Variants in FBXO41 observed in about 807,000 individuals in gnomAD.
FBXO41 encodes F-box only protein 41.
In FBXO41, 33 loss-of-function variants were observed where a neutral mutation model predicts 81.6. The ratio of observed to expected loss-of-function variants is 0.40; its 90% confidence interval spans 0.31 to 0.54. The LOEUF (loss-of-function observed/expected upper bound fraction) is 0.54, where lower values mean the gene tolerates loss of function less well. FBXO41 is among the 20% of genes least tolerant of loss of function. The probability of loss-of-function intolerance (pLI) is 0.39; values close to 1 mark genes in which losing one functional copy is unlikely to be tolerated. For synonymous variants in FBXO41, 576 were observed against 552.7 expected (o/e 1.04, Z -0.59); for missense variants, 1,107 against 1,236.0 (o/e 0.90, Z 1.56).
intron 1 of FBXO41, among the ~76,000 whole-genome samples, chr2:73,282,694 G>A (rs1688882391): frequency 6.6e-6 from 1 of 152,278 alleles, no homozygotes; most frequent in South Asian, 2.1e-4. Flanking sequence ...CAGAGCAAGA[G>A]CCTGTCTAAA....
In FBXO41 at chr2:73,259,222, C is replaced by T; in HGVS notation, c.2524G>A (p.Glu842Lys). The change falls in exon 12 of 13, where the codon GAG becomes AAG. Residue 842 changes from glutamate (E) to lysine (K), a missense_variant. Coordinates refer to ENST00000520530, the MANE Select transcript of FBXO41 (RefSeq NM_001371389.2). This position sits in a 1 kb window ranked among gnomAD's most constrained non-coding sequence, Gnocchi z 4.2. ...ATGTCCTCAAACAGCTTCTGGGCCT[C>T]AGGGCTGCTGGGCTCTTTGAAATAA... ...ADYFKEPSSPEAQKLFEDMVT... is the reference protein window; with the variant it reads ...ADYFKEPSSPKAQKLFEDMVT... 1 of 1,614,044 alleles carries T rather than the reference C, an allele frequency of 6.2e-7. No homozygotes were observed. Among genetic ancestry groups the T allele is most frequent in the Non-Finnish European group, 8.5e-7 (1 of 1,179,890 alleles).
intron 1 of FBXO41, among the ~76,000 whole-genome samples, chr2:73,283,318 C>T (rs948284891): frequency 2.0e-5 from 3 of 152,196 alleles, no homozygotes; most frequent in African/African-American, 7.2e-5. Flanking sequence ...TCCAGCCTGG[C>T]GAAGACCCTC....
In FBXO41 at chr2:73,260,630, C is replaced by G; in HGVS notation, c.2291-83G>C. 6.5e-7 allele frequency: 1 copy of G among 1,536,518 alleles called. No homozygotes were observed. Among genetic ancestry groups the G allele is most frequent in the Non-Finnish European group, 8.8e-7 (1 of 1,137,234 alleles). ...CAGCACCCTGGCTACCACCCTGCCA[C>G]CTGCCACCACCCAGGCTGCAGCCCC... On this transcript the variant is annotated intron_variant, in intron 10 of 12. Transcript: ENST00000520530. The surrounding 1 kb of genome is among the most constrained non-coding windows in gnomAD (Gnocchi z 5.0).
At chr2:73,265,236 C>G in intron 5 of FBXO41, 46 bp downstream of exon 5, 3 of 1,512,264 alleles carry the variant, frequency 2.0e-6, no homozygotes, top group Non-Finnish European at 2.7e-6. Flanking sequence ...CCAGGAGATT[C>G]ACTGCCTCAG....
In FBXO41 at chr2:73,260,602, A is replaced by T. The variant is rs1403840264; in HGVS notation, c.2291-55T>A. On this transcript the variant is annotated intron_variant, in intron 10 of 12. Coordinates refer to ENST00000520530, the MANE Select transcript of FBXO41 (RefSeq NM_001371389.2). This position sits in a 1 kb window ranked among gnomAD's most constrained non-coding sequence, Gnocchi z 5.0. ...GACACACTCCCCAGGTCACCCCTGCAGCCAGCACCCTGGCTACCACCCTGC... is the reference window on the plus strand; with the variant it reads ...GACACACTCCCCAGGTCACCCCTGCTGCCAGCACCCTGGCTACCACCCTGC... 3 of 1,551,204 alleles carry T rather than the reference A, an allele frequency of 1.9e-6. No individual in the cohort carries two copies. Among genetic ancestry groups the T allele is most frequent in the Non-Finnish European group, 2.6e-6 (3 of 1,147,168 alleles).
Position 73,279,998 on chromosome 2 carries a change from C to T in FBXO41, c.-139+4162G>A, listed in dbSNP as rs541646845. On this transcript the variant is annotated intron_variant, in intron 1 of 12. Coordinates refer to ENST00000520530, the MANE Select transcript of FBXO41 (RefSeq NM_001371389.2). ...TCAATGTTGGCGGCTCAAAGCTTAA[C>T]GTGACTAATACTGAACTCACAATGC... 2.6e-5 allele frequency among the ~76,000 whole-genome samples: 4 copies of T among 152,192 alleles called. No individual in the cohort carries two copies. The South Asian group carries it at 6.2e-4, about 24-fold the overall frequency.
At chr2:73,264,622 A>T (rs1688162643) in intron 5 of FBXO41, 103 bp from the exon 6 acceptor site, 2 of 1,514,352 alleles carry the variant, frequency 1.3e-6, no homozygotes, top group Admixed American at 3.8e-5. Flanking sequence ...AGGAATGGAC[A>T]TGCTGTGGTA....
chr2:73,263,914 C>A (rs1419556288), intron 7 of FBXO41, 24 bp downstream of exon 7: 3 of 1,613,312 alleles, frequency 1.9e-6, no homozygotes, highest in Non-Finnish European at 2.5e-6. Flanking sequence ...ACAGCACCCA[C>A]CACCCACCCA....
Position 73,268,712 on chromosome 2 carries a change from G to A in FBXO41, c.905+14C>T, listed in dbSNP as rs370709671. 3.3e-6 allele frequency: 5 copies of A among 1,511,406 alleles called. No homozygotes were observed. In the South Asian group the frequency reaches 4.0e-5, roughly 12 times the overall value. 93.6% of individuals were successfully genotyped at this position (1,511,406 alleles called of 1,614,324 possible). ...CAGGCACAACCACTCACAGGGCCCCGAGGGTCTACTCACTGCTGCTTGCGG... is the reference window on the plus strand; with the variant it reads ...CAGGCACAACCACTCACAGGGCCCCAAGGGTCTACTCACTGCTGCTTGCGG... On this transcript the variant is annotated intron_variant, in intron 2 of 12. Transcript: ENST00000520530.
At chr2:73,263,558 G>T in intron 8 of FBXO41, 120 bp downstream of exon 8, 1 of 1,309,570 alleles carries the variant, frequency 7.6e-7, no homozygotes, top group Non-Finnish European at 1.0e-6. Context: ...CTTTCCTTCA[G>T]CCATAGAGCT....
chr2:73,265,630 G>T lies in FBXO41; in HGVS notation c.1216C>A (p.Arg406Ser). 6.6e-7 allele frequency: 1 copy of T among 1,513,570 alleles called. No homozygotes were observed. Among genetic ancestry groups the T allele is most frequent in the Non-Finnish European group, 8.8e-7 (1 of 1,131,680 alleles). The allele number at this position is 1,513,570 out of a possible 1,614,324, so 93.8% of individuals were successfully genotyped here. ...GSSPSTGASS[R>S]VPAASQSSGC... ...GAGCTCTGGGATGCGGCTGGCACAC[G>T]GCTGGAGGCCCTGGGGCAGGGTGGA... The change falls in exon 5 of 13, where the codon CGT (arginine) becomes AGT (serine). Residue 406 changes from arginine (R) to serine (S), a missense_variant. Around this residue, in one of 2 missense-constraint regions of FBXO41, gnomAD observed 771 missense variants for 789.2 expected, o/e 0.98. Transcript: ENST00000520530.
In FBXO41 at chr2:73,259,753, G is replaced by A. The variant is rs1687938786; in HGVS notation, c.2450-457C>T. On this transcript the variant is annotated intron_variant, in intron 11 of 12. Coordinates refer to ENST00000520530, the MANE Select transcript of FBXO41 (RefSeq NM_001371389.2). This position sits in a 1 kb window ranked among gnomAD's most constrained non-coding sequence, Gnocchi z 4.2. The stretch of plus-strand genomic sequence containing the variant: ...AGGTAGAGGAAGATCAGGCGACTGA[G>A]AAGGGCCTGGAGGTCATGATTCTGG... Among the ~76,000 whole-genome samples the A allele has an allele frequency of 1.3e-5, 2 of 152,172 alleles. No homozygotes were observed. Among genetic ancestry groups the A allele is most frequent in the African/African-American group, 4.8e-5 (2 of 41,414 alleles).
rs147910875 is a variant in FBXO41, at chr2:73,258,528, A to T, written c.*454T>A. On this transcript the variant is annotated 3_prime_UTR_variant, in exon 13 of 13. Transcript: ENST00000520530. ...GAAGGCTGCAGCAAGGTTGAGGAGA[A>T]GAGCCCTCCTTGCCAAGTCTGAGCT... The T allele has an allele frequency of 4.0e-4, 64 of 159,676 alleles. 1 individual carries two copies. The East Asian group carries it at 0.011, about 28-fold the overall frequency. The allele number at this position is 159,676 out of a possible 1,614,324, so 9.9% of individuals were successfully genotyped here.
Position 73,254,772 on chromosome 2 carries a change from C to T in FBXO41, c.*4210G>A, listed in dbSNP as rs1687743256. The T allele has an allele frequency of 6.5e-6, 1 of 152,748 alleles. No individual in the cohort carries two copies. The highest frequency in any genetic ancestry group is 6.5e-5 in the Admixed American group (1 of 15,300). 9.5% of individuals were successfully genotyped at this position (152,748 alleles called of 1,614,324 possible). The stretch of plus-strand genomic sequence containing the variant: ...GTGAGTCCTTTTAAATACATACACT[C>T]AGGTACATTCAGCAAAGGGCATCTT... On this transcript the variant is annotated 3_prime_UTR_variant, in exon 13 of 13. Coordinates refer to ENST00000520530, the MANE Select transcript of FBXO41 (RefSeq NM_001371389.2).
intron 1 of FBXO41, among the ~76,000 whole-genome samples, chr2:73,282,246 A>G (rs752555306): frequency 7.9e-5 from 12 of 152,186 alleles, no homozygotes; most frequent in Non-Finnish European, 1.8e-4. Context: ...CACCCACCTC[A>G]GCATCCCAAA....
In FBXO41 at chr2:73,264,437, C is replaced by T; in HGVS notation, c.1647G>A (p.Glu549=). 1.2e-6 allele frequency: 2 copies of T among 1,613,986 alleles called. No homozygotes were observed. The highest frequency in any genetic ancestry group is 1.7e-6 in the Non-Finnish European group (2 of 1,179,902). The change falls in exon 6 of 13, where the codon GAG becomes GAA. Residue 549 remains glutamate, a synonymous_variant. Coordinates refer to ENST00000520530, the MANE Select transcript of FBXO41 (RefSeq NM_001371389.2). ...AGAGGGCAGCTCGCATCTTCAGGAT[C>T]TCTGGGCTGATGACCTCATTGGAGC... is the stretch of plus-strand genomic sequence containing the variant. ...PSRSNEVISP[E]ILKMRAALFC...
chr2:73,255,169 A>G lies in FBXO41; in HGVS notation c.*3813T>C, dbSNP rs1438473483. ...GCTGAGGCTGGCAAGCCCAAGGCCA[A>G]GCCTCCCTTGGGCCATGCTGGCAGT... On this transcript the variant is annotated 3_prime_UTR_variant, in exon 13 of 13. Transcript: ENST00000520530. 6.5e-6 allele frequency: 1 copy of G among 152,686 alleles called. No homozygotes were observed. The highest frequency in any genetic ancestry group is 1.5e-5 in the Non-Finnish European group (1 of 68,072). The allele number at this position is 152,686 out of a possible 1,614,324, so 9.5% of individuals were successfully genotyped here.
rs184912698 is a variant in FBXO41 at position 73,280,494 on chromosome 2, G to A, written c.-139+3666C>T. On this transcript the variant is annotated intron_variant, in intron 1 of 12. Coordinates refer to ENST00000520530, the MANE Select transcript of FBXO41 (RefSeq NM_001371389.2). ...TGGAATCTAACCATCCCTGAGCTCC[G>A]CCCACTCTAGCTTTTGTCTCTGCTT... is the stretch of plus-strand genomic sequence containing the variant. Among the ~76,000 whole-genome samples the A allele has an allele frequency of 9.8e-4, 150 of 152,292 alleles. 1 individual carries two copies. The highest frequency in any genetic ancestry group is 3.4e-3 in the African/African-American group (143 of 41,566).
At chr2:73,271,623 T>TTCCCCCC (rs1688492959) in intron 1 of FBXO41, 3 of 107,636 alleles carry the variant, frequency 2.8e-5, no homozygotes, top group Non-Finnish European at 5.7e-5. Context: ...AATTCTGCAC[T>TTCCCCCC]CCCCCCCCCC....
Sources: allele counts gnomAD v4.1 joint callset (sites outside exome capture counted in the v4.1 genomes callset), GRCh38; gene constraint gnomAD v4.1.1; regional missense constraint gnomAD v4.1.1; non-coding constraint Gnocchi (gnomAD v3.1); transcripts MANE v1.5; gene names NCBI Gene and HGNC (gene_info 2026-07-23, HGNC 2026-07-21).